Variants in UBAC2 observed in about 807,000 individuals in gnomAD.
UBAC2 encodes UBA domain containing 2.
In UBAC2, 26 loss-of-function variants were observed where a neutral mutation model predicts 44.0. The observed-to-expected ratio is 0.59, with a 90% CI of 0.43 to 0.82. The LOEUF (loss-of-function observed/expected upper bound fraction) is 0.82, where lower values mean the gene tolerates loss of function less well. Among genes scored for constraint, UBAC2 ranks in the 40% least tolerant of loss-of-function variants. UBAC2 has a pLI of 0.00. For synonymous variants in UBAC2, 155 were observed against 154.3 expected, an observed-to-expected ratio of 1.00 and a Z score of -0.04; for missense variants, 329 against 419.4, an observed-to-expected ratio of 0.78 and a Z score of 1.88.
At chr13:99,203,446 A>G (rs1456519568) in intron 1 of UBAC2, among the ~76,000 whole-genome samples, 2 of 152,234 alleles carry the variant, frequency 1.3e-5, no homozygotes, top group Non-Finnish European at 2.9e-5. Flanking sequence ...GGTGGTGAAT[A>G]ACAGTCCCTT....
intron 4 of UBAC2, among the ~76,000 whole-genome samples, chr13:99,274,196 G>A (rs770631488): frequency 5.3e-5 from 8 of 151,976 alleles, no homozygotes; most frequent in Non-Finnish European, 1.0e-4. Context: ...TAGAGATGTG[G>A]ACTCTTCTGT....
intron 4 of UBAC2, among the ~76,000 whole-genome samples, chr13:99,262,740 A>AAAAAAAAG (rs1436059757): frequency 2.8e-5 from 4 of 141,556 alleles, no homozygotes; most frequent in African/African-American, 8.1e-5. Flanking sequence ...AAAAAAAAAA[A>AAAAAAAAG]GGACTTGTGG....
intron 4 of UBAC2, among the ~76,000 whole-genome samples, chr13:99,263,931 C>A (rs2043705220): frequency 6.6e-6 from 1 of 152,142 alleles, no homozygotes; most frequent in South Asian, 2.1e-4. Context: ...TTTCAAAAAG[C>A]AGATGAAATG....
intron 6 of UBAC2, among the ~76,000 whole-genome samples, chr13:99,319,310 A>G (rs1394683758): frequency 6.6e-6 from 1 of 152,250 alleles, no homozygotes. Context: ...GCGGTTATAG[A>G]GCATAGATTT....
chr13:99,318,688 G>T (rs551683761), intron 6 of UBAC2, among the ~76,000 whole-genome samples: 1 of 151,480 alleles, frequency 6.6e-6, no homozygotes, highest in African/African-American at 2.4e-5. Context: ...GGGCGTGGTG[G>T]CAGGCGCCTG....
intron 4 of UBAC2, among the ~76,000 whole-genome samples, chr13:99,299,850 A>G (rs2044232179): frequency 6.6e-6 from 1 of 152,158 alleles, no homozygotes; most frequent in Non-Finnish European, 1.5e-5. Flanking sequence ...ATAAATATCA[A>G]TTTTATATTT....
At chr13:99,352,382 T>C (rs779973646) in intron 7 of UBAC2, among the ~76,000 whole-genome samples, 17 of 152,234 alleles carry the variant, frequency 1.1e-4, no homozygotes, top group Non-Finnish European at 2.2e-4. Flanking sequence ...ACTTTCTGTC[T>C]CTGTAGACTT....
intron 1 of UBAC2, among the ~76,000 whole-genome samples, chr13:99,223,969 G>T (rs1192236193): frequency 2.0e-5 from 3 of 152,136 alleles, no homozygotes; most frequent in Non-Finnish European, 2.9e-5. Flanking sequence ...TTGTTGGGTG[G>T]AGTGTTCTAT....
chr13:99,316,418 G>A (rs952083205), intron 5 of UBAC2, among the ~76,000 whole-genome samples: 3 of 148,532 alleles, frequency 2.0e-5, no homozygotes, highest in Middle Eastern at 3.5e-3. Flanking sequence ...TGAATGAATG[G>A]ATGAATGAAT....
chr13:99,234,171 C>CT (rs773370310), intron 1 of UBAC2, among the ~76,000 whole-genome samples: 2,060 of 61,726 alleles, frequency 0.033, 498 homozygotes, highest in Non-Finnish European at 0.041. Context: ...CTAGCCGTTT[C>CT]TTTTTTTTTT....
intron 5 of UBAC2, among the ~76,000 whole-genome samples, chr13:99,316,641 A>T (rs975687202): frequency 6.6e-6 from 1 of 152,232 alleles, no homozygotes; most frequent in Non-Finnish European, 1.5e-5. Context: ...GAGAAAACAC[A>T]CAGATACTGT....
Position 99,254,656 on chromosome 13 carries a change from GTTAA to G in UBAC2, c.389+10036_389+10039del, listed in dbSNP as rs903298208. The stretch of plus-strand genomic sequence containing the variant: ...TCGCTTGCACATAGAAATGCAAAAA[GTTAA>G]TTATCTGTGTGAACAAGGCTTGACT... On this transcript the variant is annotated intron_variant, in intron 4 of 8. Coordinates refer to ENST00000403766, the MANE Select transcript of UBAC2 (RefSeq NM_001144072.2). The G allele has an allele frequency of 1.1e-5, 5 of 447,838 alleles. 1 individual carries two copies. The highest frequency in any genetic ancestry group is 2.0e-5 in the African/African-American group (1 of 49,676). 27.7% of individuals were successfully genotyped at this position (447,838 alleles called of 1,614,324 possible).
At chr13:99,245,498 G>A (rs1055329832) in intron 4 of UBAC2, among the ~76,000 whole-genome samples, 1 of 152,166 alleles carries the variant, frequency 6.6e-6, no homozygotes, top group African/African-American at 2.4e-5. Context: ...ATGTATTAGT[G>A]TGTGAAATAA....
At chr13:99,292,541 T>C (rs1332257524) in intron 4 of UBAC2, among the ~76,000 whole-genome samples, 1 of 152,182 alleles carries the variant, frequency 6.6e-6, no homozygotes, top group Admixed American at 6.5e-5. Context: ...TCAACCTGTT[T>C]CACAGGATTG....
rs372413471 is a variant in UBAC2, at chr13:99,255,132, G to A, written c.389+10508G>A. The A allele has an allele frequency of 1.9e-6, 3 of 1,614,008 alleles. No homozygotes were observed. The African/African-American group carries it at 4.0e-5, about 22-fold the overall frequency. On this transcript the variant is annotated intron_variant, in intron 4 of 8. Coordinates refer to ENST00000403766, the MANE Select transcript of UBAC2 (RefSeq NM_001144072.2). ...TCAGGAAAGCGAAACAGATGTGGAA[G>A]GGCATAAAGCAGACGAGCACCTGCA...
intron 7 of UBAC2, among the ~76,000 whole-genome samples, chr13:99,355,377 C>T (rs2045162391): frequency 2.0e-5 from 3 of 152,162 alleles, no homozygotes; most frequent in Non-Finnish European, 4.4e-5. Flanking sequence ...TCTCAGTCCT[C>T]GCTGTGTGGC....
Position 99,368,753 on chromosome 13 carries a change from G to A in UBAC2, c.927+847G>A, listed in dbSNP as rs140671553. Among the ~76,000 whole-genome samples, 1,232 of 149,024 alleles carry A rather than the reference G, an allele frequency of 8.3e-3. 11 individuals carry two copies. The highest frequency in any genetic ancestry group is 0.057 in the South Asian group (270 of 4,720). On this transcript the variant is annotated intron_variant, in intron 8 of 8. Transcript: ENST00000403766. ...CACATACCCTCACTCTGACCGAGAG[G>A]GCTCAGAAGCAGTGGCCTCCTGGTA...
At chr13:99,249,944 T>G (rs2043437873) in intron 4 of UBAC2, among the ~76,000 whole-genome samples, 1 of 152,222 alleles carries the variant, frequency 6.6e-6, no homozygotes, top group Non-Finnish European at 1.5e-5. Flanking sequence ...TCAAGTTCCT[T>G]ACAGATTCTG....
At chr13:99,371,610 T>C (rs1324310312) in intron 8 of UBAC2, among the ~76,000 whole-genome samples, 4 of 152,254 alleles carry the variant, frequency 2.6e-5, no homozygotes, top group African/African-American at 7.2e-5. Context: ...TTAAGATAAC[T>C]TGAATTAACA....
Sources: gnomAD v4.1 joint callset for allele counts (sites outside exome capture counted in the v4.1 genomes callset) on GRCh38, gnomAD v4.1.1 for gene constraint, MANE v1.5 for transcripts, NCBI Gene and HGNC (gene_info 2026-07-23, HGNC 2026-07-21) for gene names.